The following FRMD4B variants were observed in gnomAD, a reference collection of about 807,000 sequenced individuals.
The protein encoded by FRMD4B is FERM domain containing 4B, also known as FERM domain-containing protein 4B.
Under a neutral mutation model 141.5 loss-of-function variants are expected in FRMD4B, and 74 were observed. The ratio of observed to expected loss-of-function variants is 0.52; its 90% CI spans 0.43 to 0.63. FRMD4B has a LOEUF of 0.63. Ranked by LOEUF, FRMD4B falls within the 30% of genes least tolerant of loss-of-function variation. FRMD4B has a pLI of 0.00. For synonymous variants in FRMD4B, 506 were observed against 467.9 expected (o/e 1.08, Z -1.05); for missense variants, 1,366 against 1,253.4 (o/e 1.09, Z -1.36).
At chr3:69,178,833 A>G (rs537137350) in intron 21 of FRMD4B, among the ~76,000 whole-genome samples, 1 of 152,014 alleles carries the variant, frequency 6.6e-6, no homozygotes, top group African/African-American at 2.4e-5. Context: ...AACAATAGCA[A>G]TCACTATATA....
At chr3:69,323,651 T>C (rs1331756094) in intron 1 of FRMD4B, among the ~76,000 whole-genome samples, 1 of 122,374 alleles carries the variant, frequency 8.2e-6, no homozygotes, top group Non-Finnish European at 1.7e-5. Context: ...TATATATATA[T>C]ATGCGTTTTA....
chr3:69,537,497 T>C (rs1353095725), intron 1 of FRMD4B, among the ~76,000 whole-genome samples: 2 of 152,212 alleles, frequency 1.3e-5, no homozygotes, highest in African/African-American at 4.8e-5. Context: ...TTGATTCAAA[T>C]AAATGTCTTC....
At chr3:69,455,433 T>C (rs1014510458) in intron 1 of FRMD4B, among the ~76,000 whole-genome samples, 1 of 152,204 alleles carries the variant, frequency 6.6e-6, no homozygotes, top group African/African-American at 2.4e-5. Flanking sequence ...AGACCACGAA[T>C]GCACCAGGAG....
chr3:69,396,524 A>C (rs1704476283), intron 2 of FRMD4B, among the ~76,000 whole-genome samples: 2 of 152,044 alleles, frequency 1.3e-5, no homozygotes, highest in Admixed American at 1.3e-4. Context: ...AAAAAGAATT[A>C]TAGAAAACAT....
At chr3:69,196,538 A>AAAAAG (rs1553699007) in intron 13 of FRMD4B, 142 bp from the exon 14 acceptor site, 5 of 576,320 alleles carry the variant, frequency 8.7e-6, no homozygotes, top group African/African-American at 7.7e-5. Context: ...CTTCAGACCA[A>AAAAAG]AAAACAAAAC....
chr3:69,408,662 G>A (rs1343435899), intron 2 of FRMD4B, among the ~76,000 whole-genome samples: 1 of 152,094 alleles, frequency 6.6e-6, no homozygotes, highest in Non-Finnish European at 1.5e-5. Flanking sequence ...GCTTGGTAGG[G>A]GGAGTGGGGG....
At chr3:69,339,330 G>T (rs184703397) in intron 1 of FRMD4B, among the ~76,000 whole-genome samples, 1 of 152,306 alleles carries the variant, frequency 6.6e-6, no homozygotes, top group African/African-American at 2.4e-5. Context: ...AGTCAAGCAT[G>T]GACTTTGGAA....
At chr3:69,259,453 A>G (rs1375188225) in intron 5 of FRMD4B, among the ~76,000 whole-genome samples, 1 of 152,216 alleles carries the variant, frequency 6.6e-6, no homozygotes, top group East Asian at 1.9e-4. Flanking sequence ...AGCATTCAAT[A>G]AAGGATGAAT....
chr3:69,435,943 C>A (rs902877756), intron 1 of FRMD4B, among the ~76,000 whole-genome samples: 1 of 152,110 alleles, frequency 6.6e-6, no homozygotes, highest in Non-Finnish European at 1.5e-5. Context: ...ACATAAAAGG[C>A]TCTATTTATG....
chr3:69,245,336 TGTGTGTGTGTG>T (rs2093415934), intron 7 of FRMD4B, among the ~76,000 whole-genome samples: 1 of 149,580 alleles, frequency 6.7e-6, no homozygotes, highest in African/African-American at 2.6e-5. Flanking sequence ...TGTGTGTGTG[TGTGTGTGTGTG>T]TGTGTGTTTT....
At chr3:69,434,120 C>G (rs1705224011) in intron 1 of FRMD4B, among the ~76,000 whole-genome samples, 1 of 152,166 alleles carries the variant, frequency 6.6e-6, no homozygotes, top group Non-Finnish European at 1.5e-5. Context: ...AATGATATAC[C>G]AAGCAGTGTC....
At chr3:69,538,004 T>C (rs2107173852) in intron 1 of FRMD4B, among the ~76,000 whole-genome samples, 1 of 152,348 alleles carries the variant, frequency 6.6e-6, no homozygotes, top group East Asian at 1.9e-4. Flanking sequence ...TTAGCACAGA[T>C]TTCCTCCAGC....
At chr3:69,410,739 AT>A (rs1330271092) in intron 2 of FRMD4B, among the ~76,000 whole-genome samples, 12 of 13,002 alleles carry the variant, frequency 9.2e-4, no homozygotes, top group Admixed American at 1.6e-3. Context: ...ATATATATAT[AT>A]ATATATATAT....
chr3:69,228,417 A>G (rs2093274898), intron 7 of FRMD4B: 2 of 457,016 alleles, frequency 4.4e-6, no homozygotes, highest in Non-Finnish European at 8.8e-6. Flanking sequence ...CAAACTCACC[A>G]TCAGACCTGG....
At chr3:69,505,843 T>C (rs1036441956) in intron 1 of FRMD4B, among the ~76,000 whole-genome samples, 1 of 152,194 alleles carries the variant, frequency 6.6e-6, no homozygotes. Context: ...TTCTTTATTA[T>C]ATGAAAGGAT....
At chr3:69,341,603 T>C (rs1331290673) in intron 1 of FRMD4B, among the ~76,000 whole-genome samples, 1 of 152,106 alleles carries the variant, frequency 6.6e-6, no homozygotes, top group Non-Finnish European at 1.5e-5. Flanking sequence ...TGCTAAAGAG[T>C]TCCAGAAAAC....
chr3:69,269,515 C>T (rs2093584513), intron 5 of FRMD4B, among the ~76,000 whole-genome samples: 1 of 149,916 alleles, frequency 6.7e-6, no homozygotes, highest in Non-Finnish European at 1.5e-5. Context: ...CCTCTGATAC[C>T]CGCTTCCCCC....
intron 1 of FRMD4B, 58 bp from the exon 2 acceptor site, chr3:69,313,575 G>A: frequency 3.9e-6 from 4 of 1,016,824 alleles, no homozygotes; most frequent in Non-Finnish European, 6.0e-6. Context: ...GCAAACCTTT[G>A]GACTCGTTGT....
chr3:69,524,435 T>G (rs912052519), intron 1 of FRMD4B, among the ~76,000 whole-genome samples: 2 of 152,244 alleles, frequency 1.3e-5, no homozygotes, highest in African/African-American at 4.8e-5. Context: ...CCAAATTAAC[T>G]AAAGCTGTCA....
Sources: gnomAD v4.1 joint callset for allele counts (sites outside exome capture counted in the v4.1 genomes callset) on GRCh38, gnomAD v4.1.1 for gene constraint, MANE v1.5 for transcripts, NCBI Gene and HGNC (gene_info 2026-07-23, HGNC 2026-07-21) for gene names.